The following SGCZ variants were observed in gnomAD, a reference collection of about 807,000 sequenced individuals.
SGCZ encodes zeta-sarcoglycan.
Under a neutral mutation model 41.3 loss-of-function variants are expected in SGCZ, and 40 were observed. The ratio of observed to expected loss-of-function variants is 0.97; its 90% confidence interval spans 0.75 to 1.26. The LOEUF (loss-of-function observed/expected upper bound fraction) is 1.26, where lower values mean the gene tolerates loss of function less well. Ranked by LOEUF, SGCZ falls within the 50% of genes most tolerant of loss-of-function variation. The pLI is 0.00. For synonymous variants in SGCZ, 206 were observed against 137.5 expected, an observed-to-expected ratio of 1.50 and a Z score of -3.49; for missense variants, 552 against 369.8, an observed-to-expected ratio of 1.49 and a Z score of -4.04.
chr8:14,781,289 T>C (rs10104213), intron 1 of SGCZ, among the ~76,000 whole-genome samples: 3,831 of 152,302 alleles, frequency 0.025, 123 homozygotes, highest in African/African-American at 0.079. Context: ...TAGAGTGCAA[T>C]GGCGCCATCT....
intron 1 of SGCZ, among the ~76,000 whole-genome samples, chr8:14,841,154 A>G (rs972564648): frequency 6.6e-6 from 1 of 152,144 alleles, no homozygotes; most frequent in Non-Finnish European, 1.5e-5. Context: ...TTAAGTTTAA[A>G]TGCTGCATGT....
chr8:15,077,257 T>C (rs895429080), intron 1 of SGCZ, among the ~76,000 whole-genome samples: 1 of 152,178 alleles, frequency 6.6e-6, no homozygotes, highest in African/African-American at 2.4e-5. Flanking sequence ...TTTAAAAATA[T>C]GAATCTGACA....
At chr8:14,560,038 A>G (rs557571400) in intron 1 of SGCZ, among the ~76,000 whole-genome samples, 61 of 152,254 alleles carry the variant, frequency 4.0e-4, no homozygotes, top group Non-Finnish European at 6.0e-4. Flanking sequence ...AGTGGTTTTG[A>G]TAATATAGTA....
At chr8:14,688,285 A>C (rs1362839416) in intron 1 of SGCZ, among the ~76,000 whole-genome samples, 1 of 152,154 alleles carries the variant, frequency 6.6e-6, no homozygotes, top group Non-Finnish European at 1.5e-5. Context: ...TATGTCCTGA[A>C]TGGTAATGCC....
At position 14,899,663 on chromosome 8, in the gene SGCZ, T is replaced by G. The variant is rs138550213; in HGVS notation, c.39+337922A>C. 2.6e-4 allele frequency among the ~76,000 whole-genome samples: 40 copies of G among 152,222 alleles called. No individual in the cohort carries two copies. In the East Asian group the frequency reaches 7.0e-3, roughly 27 times the overall value. On this transcript the variant is annotated intron_variant, in intron 1 of 7. Coordinates refer to ENST00000382080, the MANE Select transcript of SGCZ (RefSeq NM_139167.4). ...TACCTGATCCCGAAGGCATATTGGT[T>G]TAAGTAATACAATCAGGTTCTTTTG... is the stretch of plus-strand genomic sequence containing the variant.
intron 1 of SGCZ, among the ~76,000 whole-genome samples, chr8:15,054,074 T>A (rs1804618274): frequency 6.6e-6 from 1 of 152,208 alleles, no homozygotes; most frequent in Admixed American, 6.5e-5. Context: ...TAGAGTCTAG[T>A]ACCTTGACAA....
chr8:14,790,031 C>G (rs1800897486), intron 1 of SGCZ, among the ~76,000 whole-genome samples: 1 of 151,954 alleles, frequency 6.6e-6, no homozygotes, highest in East Asian at 1.9e-4. Flanking sequence ...AAATTGAATA[C>G]TTAAATCTTC....
chr8:14,335,646 A>G (rs923976205), intron 2 of SGCZ, among the ~76,000 whole-genome samples: 13 of 152,054 alleles, frequency 8.5e-5, no homozygotes, highest in Non-Finnish European at 1.6e-4. Context: ...TCTCTCTCCA[A>G]TCCTTTTCCT....
intron 1 of SGCZ, among the ~76,000 whole-genome samples, chr8:14,694,478 G>T (rs764329959): frequency 2.0e-5 from 3 of 152,172 alleles, no homozygotes; most frequent in Non-Finnish European, 4.4e-5. Context: ...TTCAGGGCTT[G>T]CTCACCCCTT....
At chr8:14,180,668 T>C (rs926388283) in intron 4 of SGCZ, among the ~76,000 whole-genome samples, 1 of 152,094 alleles carries the variant, frequency 6.6e-6, no homozygotes, top group South Asian at 2.1e-4. Flanking sequence ...ATAAGTCACC[T>C]ACTACCACAC....
intron 2 of SGCZ, among the ~76,000 whole-genome samples, chr8:14,419,747 T>G (rs990901457): frequency 6.6e-6 from 1 of 152,048 alleles, no homozygotes; most frequent in African/African-American, 2.4e-5. Context: ...AGTAATGGTG[T>G]GCCCAATTTC....
chr8:14,845,810 T>C (rs1233972230), intron 1 of SGCZ, among the ~76,000 whole-genome samples: 1 of 151,980 alleles, frequency 6.6e-6, no homozygotes, highest in Non-Finnish European at 1.5e-5. Flanking sequence ...AACTACCAGA[T>C]TACATAAAAA....
chr8:14,903,624 T>C (rs919314878), intron 1 of SGCZ, among the ~76,000 whole-genome samples: 24 of 152,056 alleles, frequency 1.6e-4, no homozygotes, highest in African/African-American at 5.5e-4. Context: ...GTCACTTCTA[T>C]GAAATAGGAA....
At chr8:14,130,608 G>A (rs1803010700) in intron 5 of SGCZ, among the ~76,000 whole-genome samples, 1 of 152,204 alleles carries the variant, frequency 6.6e-6, no homozygotes, top group African/African-American at 2.4e-5. Context: ...TATTTAGGCA[G>A]ATAGTGAGGG....
At chr8:14,755,299 T>C (rs1259169475) in intron 1 of SGCZ, among the ~76,000 whole-genome samples, 1 of 152,188 alleles carries the variant, frequency 6.6e-6, no homozygotes, top group Non-Finnish European at 1.5e-5. Context: ...TACTGAGTAT[T>C]GATTTTCACA....
intron 3 of SGCZ, among the ~76,000 whole-genome samples, chr8:14,263,524 G>C (rs1231162490): frequency 1.3e-5 from 2 of 152,078 alleles, no homozygotes; most frequent in African/African-American, 4.8e-5. Flanking sequence ...ACTCCAGTCT[G>C]AATGAGAAAA....
intron 2 of SGCZ, among the ~76,000 whole-genome samples, chr8:14,330,078 G>A (rs1802259568): frequency 6.6e-6 from 1 of 151,990 alleles, no homozygotes; most frequent in South Asian, 2.1e-4. Context: ...ATCCTAGTCA[G>A]AAATAACATT....
At chr8:15,147,886 A>G (rs747203920) in intron 1 of SGCZ, among the ~76,000 whole-genome samples, 8 of 152,216 alleles carry the variant, frequency 5.3e-5, no homozygotes, top group Non-Finnish European at 1.0e-4. Context: ...CCTCTGGACA[A>G]ACCATATAAA....
In SGCZ at chr8:14,603,445, A is replaced by T. The variant is rs965276379; in HGVS notation, c.40-48519T>A. ...GATTTTCTATGCCTTTCATCTAAAA[A>T]ACAACTTTTAACTTTATTAAGATAC... On this transcript the variant is annotated intron_variant, in intron 1 of 7. Coordinates refer to ENST00000382080, the MANE Select transcript of SGCZ (RefSeq NM_139167.4). Among the ~76,000 whole-genome samples the T allele has an allele frequency of 2.0e-5, 3 of 152,154 alleles. No individual in the cohort carries two copies. In the South Asian group the frequency reaches 6.2e-4, roughly 32 times the overall value.
Sources: allele counts gnomAD v4.1 joint callset (sites outside exome capture counted in the v4.1 genomes callset), GRCh38; gene constraint gnomAD v4.1.1; transcripts MANE v1.5; gene names NCBI Gene and HGNC (gene_info 2026-07-23, HGNC 2026-07-21).